Variants in IPO5 observed in about 807,000 individuals in gnomAD.
The protein encoded by IPO5 is importin-5.
IPO5 carries 18 observed loss-of-function variants against 143.3 expected under a neutral mutation model. The ratio of observed to expected loss-of-function variants is 0.13; its 90% confidence interval spans 0.09 to 0.19. The LOEUF is 0.19. Ranked by LOEUF, IPO5 falls within the 10% of genes least tolerant of loss-of-function variation. The probability of loss-of-function intolerance (pLI) is 1.00; values close to 1 mark genes in which losing one functional copy is unlikely to be tolerated. For synonymous variants in IPO5, 477 were observed against 465.7 expected, an observed-to-expected ratio of 1.02 and a Z score of -0.31; for missense variants, 1,013 against 1,336.9, an observed-to-expected ratio of 0.76 and a Z score of 3.78.
intron 17 of IPO5, chr13:98,007,506 G>C (rs757256928): frequency 1.3e-5 from 2 of 152,374 alleles, no homozygotes; most frequent in East Asian, 3.9e-4. Context: ...GAGAAGCTCT[G>C]TCTTGCCTTC....
intron 4 of IPO5, among the ~76,000 whole-genome samples, chr13:97,977,455 A>G (rs536035311): frequency 3.4e-4 from 52 of 152,288 alleles, no homozygotes; most frequent in Non-Finnish European, 7.1e-4. Flanking sequence ...GGCTTATAAT[A>G]CACTTACTCT....
intron 4 of IPO5, chr13:97,982,046 T>G (rs1886890366): frequency 6.5e-6 from 1 of 154,818 alleles, no homozygotes; most frequent in Non-Finnish European, 1.4e-5. Context: ...TTCTCTGACT[T>G]ACTTCCAGGT....
rs1890266938 is a variant in IPO5 at position 98,018,502 on chromosome 13, G to A, written c.2634G>A (p.Trp878Ter). Residue 878 changes from tryptophan to a stop codon, truncating the protein, a stop_gained, in exon 26 of 29, where the codon TGG (tryptophan) becomes TGA (stop). Transcript: ENST00000651721. LOFTEE classifies it high-confidence loss of function. ...IVNLICPHRP[W>*]PDRQWGLCIF... Reference sequence around the variant, plus strand: ...TTTTGTAGTGTCCACATAGACCATGGCCAGACAGACAATGGGGATTATGCA... The same window carrying A: ...TTTTGTAGTGTCCACATAGACCATGACCAGACAGACAATGGGGATTATGCA... 6.2e-7 allele frequency: 1 copy of A among 1,613,606 alleles called. No homozygotes were observed. The highest frequency in any genetic ancestry group is 1.3e-5 in the African/African-American group (1 of 74,886).
At chr13:98,004,087 T>C (rs1481787753) in intron 16 of IPO5, among the ~76,000 whole-genome samples, 4 of 152,228 alleles carry the variant, frequency 2.6e-5, no homozygotes, top group Admixed American at 1.3e-4. Context: ...GTCAAATGTT[T>C]ATTGTCAAAT....
intron 24 of IPO5, among the ~76,000 whole-genome samples, 195 bp downstream of exon 24, chr13:98,015,976 G>T (rs904015240): frequency 5.3e-5 from 8 of 152,260 alleles, no homozygotes; most frequent in Admixed American, 1.3e-4. Context: ...TCGGTGCTAT[G>T]TGCATTTTGT....
chr13:97,985,373 A>G (rs749956517), intron 5 of IPO5, 48 bp from the exon 6 acceptor site: 12 of 1,437,658 alleles, frequency 8.3e-6, no homozygotes, highest in Non-Finnish European at 1.2e-5. Flanking sequence ...AGTGAAATAC[A>G]TCAATGGCAG....
At chr13:97,981,712 G>A (rs868101593) in intron 4 of IPO5, among the ~76,000 whole-genome samples, 2 of 152,218 alleles carry the variant, frequency 1.3e-5, no homozygotes, top group Non-Finnish European at 2.9e-5. Context: ...CTTTTCCACA[G>A]TGAACAAATA....
chr13:97,995,750 G>A (rs1002118245), intron 11 of IPO5, among the ~76,000 whole-genome samples: 1 of 151,976 alleles, frequency 6.6e-6, no homozygotes, highest in Non-Finnish European at 1.5e-5. Flanking sequence ...GCAAGACTCT[G>A]TCTCAAAAAT....
At chr13:98,016,080 A>G (rs1017902866) in intron 24 of IPO5, among the ~76,000 whole-genome samples, 34 of 152,328 alleles carry the variant, frequency 2.2e-4, no homozygotes, top group Middle Eastern at 3.4e-3. Flanking sequence ...TGCTTTCACT[A>G]TATTAAAGAT....
At chr13:98,015,301 A>ATGATGCC (rs1890051856) in intron 22 of IPO5, among the ~76,000 whole-genome samples, 1 of 151,190 alleles carries the variant, frequency 6.6e-6, no homozygotes, top group Admixed American at 6.6e-5. Context: ...AGTACCAAGC[A>ATGATGCC]TGATGCCTGG....
At chr13:97,988,547 G>A (rs942503635) in intron 6 of IPO5, among the ~76,000 whole-genome samples, 10 of 152,192 alleles carry the variant, frequency 6.6e-5, no homozygotes, top group Admixed American at 6.5e-5. Flanking sequence ...TAGTACTTTG[G>A]AAGGCCAAGG....
chr13:98,018,213 T>G (rs568148473), intron 25 of IPO5, among the ~76,000 whole-genome samples: 32 of 152,378 alleles, frequency 2.1e-4, no homozygotes, highest in Middle Eastern at 3.4e-3. Context: ...AGTAAATTTA[T>G]ATACAATGCT....
intron 24 of IPO5, among the ~76,000 whole-genome samples, chr13:98,016,002 A>G (rs1890098921): frequency 6.6e-6 from 1 of 152,210 alleles, no homozygotes; most frequent in Non-Finnish European, 1.5e-5. Flanking sequence ...TACCTCACTC[A>G]ACAAAACACC....
At chr13:98,005,097 A>G (rs977501189) in intron 16 of IPO5, among the ~76,000 whole-genome samples, 2 of 151,368 alleles carry the variant, frequency 1.3e-5, no homozygotes, top group African/African-American at 4.9e-5. Context: ...GGGTTTCACC[A>G]TGTTGGCCAG....
chr13:98,021,205 A>C (rs1890463076), intron 28 of IPO5, 72 bp downstream of exon 28: 2 of 1,361,604 alleles, frequency 1.5e-6, no homozygotes, highest in South Asian at 2.9e-5. Flanking sequence ...TATGAGAAGA[A>C]ACTAGAAATC....
At chr13:98,010,302 A>G (rs1421998855) in intron 20 of IPO5, 78 bp downstream of exon 20, 2 of 1,323,394 alleles carry the variant, frequency 1.5e-6, no homozygotes, top group African/African-American at 3.0e-5. Flanking sequence ...AATAGCTGCT[A>G]AAGAAATTAC....
At chr13:97,999,795 C>G (rs1386702789) in intron 12 of IPO5, among the ~76,000 whole-genome samples, 1 of 152,126 alleles carries the variant, frequency 6.6e-6, no homozygotes, top group Admixed American at 6.5e-5. Context: ...AATAAACTCA[C>G]AGTGGGGAAG....
Position 97,997,553 on chromosome 13 carries a change from G to A in IPO5, c.936G>A (p.Met312Ile). The change falls in exon 12 of 29, where the codon ATG (methionine) becomes ATA (isoleucine). Residue 312 changes from methionine (M) to isoleucine (I), a missense_variant. Met to Ile is a conservative substitution (Grantham distance 10). Around this residue, in one of 2 missense-constraint regions of IPO5, gnomAD observed 685 missense variants for 994.9 expected, o/e 0.69. Coordinates refer to ENST00000651721, the MANE Select transcript of IPO5 (RefSeq NM_002271.6). ...TAGTTCCTCAGATGTTAGCAATGAT[G>A]GTTGATTTGGAAGAAGATGAGGACT... ...AQTIPQMLAM[M>I]VDLEEDEDWA... The A allele has an allele frequency of 1.9e-6, 3 of 1,608,130 alleles. No individual in the cohort carries two copies. The highest frequency in any genetic ancestry group is 2.6e-6 in the Non-Finnish European group (3 of 1,174,976).
chr13:97,967,762 G>A (rs921061233), intron 2 of IPO5, among the ~76,000 whole-genome samples: 1 of 152,008 alleles, frequency 6.6e-6, no homozygotes, highest in African/African-American at 2.4e-5. Context: ...CTCCCAAGTA[G>A]CTGGGACTAC....
Sources: allele counts gnomAD v4.1 joint callset (sites outside exome capture counted in the v4.1 genomes callset), GRCh38; gene constraint gnomAD v4.1.1; regional missense constraint gnomAD v4.1.1; transcripts MANE v1.5; gene names NCBI Gene and HGNC (gene_info 2026-07-23, HGNC 2026-07-21).